DDX3X: variants seen among roughly 807,000 people sequenced by gnomAD.
The protein encoded by DDX3X is ATP-dependent RNA helicase DDX3X.
Under a neutral mutation model 52.7 loss-of-function variants are expected in DDX3X, and 4 were observed. That is an observed-to-expected ratio of 0.08 (90% CI 0.04 to 0.17). The LOEUF (loss-of-function observed/expected upper bound fraction) is 0.17. Ranked by LOEUF, DDX3X falls within the 10% of genes least tolerant of loss-of-function variation. DDX3X has a pLI of 1.00. For synonymous variants in DDX3X, 192 were observed against 178.1 expected, an observed-to-expected ratio of 1.08 and a Z score of -0.62; for missense variants, 222 against 548.6, an observed-to-expected ratio of 0.40 and a Z score of 5.95.
Position 41,334,169 on chromosome X carries a change from C to T in DDX3X, c.-84C>T. ...GGCCGCGCGGTGCGCTCCAGAGCCG[C>T]AGTTCTCCCGTGAGAGGGCCTTCGC... On this transcript the variant is annotated 5_prime_UTR_variant, in exon 1 of 17. Transcript: ENST00000644876. The T allele has an allele frequency of 9.8e-7, 1 of 1,019,470 alleles. No individual in the cohort carries two copies. The highest frequency in any genetic ancestry group is 3.2e-5 in the East Asian group (1 of 31,375). 84.0% of individuals were successfully genotyped at this position (1,019,470 alleles called of 1,213,427 possible). A position where few individuals can be genotyped will look rare whatever the true frequency, so the allele number is the denominator to read the frequency against.
At chrX:41,356,707 C>T (rs1049195174) in intron 5 of DDX3X, among the ~76,000 whole-genome samples, 6 of 109,703 alleles carry the variant, frequency 5.5e-5, no homozygotes, top group Non-Finnish European at 9.5e-5. Flanking sequence ...TTGTGATCTG[C>T]CCGCCTCGGC....
chrX:41,341,848 A>T (rs975527035), intron 4 of DDX3X: 1 of 320,802 alleles, frequency 3.1e-6, no homozygotes, highest in South Asian at 5.6e-5. Flanking sequence ...TATATGTTCT[A>T]CTTAAAAGAG....
intron 15 of DDX3X, 113 bp downstream of exon 15, chrX:41,347,125 T>C: frequency 1.0e-6 from 1 of 957,016 alleles, no homozygotes; most frequent in Admixed American, 3.0e-5. Flanking sequence ...AAAAGCTTAA[T>C]CATCTTAGGC....
rs764298312 is a variant in DDX3X, at chrX:41,344,480, C to A, written c.1025+81C>A. Reference sequence around the variant, plus strand: ...TTGGCAGAGTTGCGCTCTTGTTGCCCAGGCTGGAGTGCCATGGCGCGATCT... The same window carrying A: ...TTGGCAGAGTTGCGCTCTTGTTGCCAAGGCTGGAGTGCCATGGCGCGATCT... On this transcript the variant is annotated intron_variant, in intron 10 of 16. Coordinates refer to ENST00000644876, the MANE Select transcript of DDX3X (RefSeq NM_001356.5). 1.1e-4 allele frequency: 121 copies of A among 1,098,510 alleles called. No homozygotes were observed. The African/African-American group carries it at 2.0e-3, about 18-fold the overall frequency. The allele number at this position is 1,098,510 out of a possible 1,213,427, so 90.5% of individuals were successfully genotyped here. A position where few individuals can be genotyped will look rare whatever the true frequency, so the allele number is the denominator to read the frequency against.
intron 5 of DDX3X, among the ~76,000 whole-genome samples, chrX:41,355,329 C>T (rs192885100): frequency 2.4e-4 from 27 of 111,523 alleles, no homozygotes; most frequent in African/African-American, 8.8e-4. Flanking sequence ...ATTGCTGGCT[C>T]CTGTGTTAAG....
At chrX:41,352,304 C>A (rs1400218105), downstream of DDX3X, among the ~76,000 whole-genome samples, 2 of 111,596 alleles carry the variant, frequency 1.8e-5, no homozygotes, top group African/African-American at 6.5e-5. Flanking sequence ...CAGATACAAT[C>A]ATGGTTTATT....
At chrX:41,343,497 A>G (rs2063880594) in intron 7 of DDX3X, 146 bp downstream of exon 7, 1 of 571,220 alleles carries the variant, frequency 1.8e-6, no homozygotes, top group Admixed American at 4.5e-5. Flanking sequence ...TGATACATAA[A>G]TTATTGGTTA....
downstream of DDX3X, among the ~76,000 whole-genome samples, chrX:41,351,894 T>C (rs2063989770): frequency 9.0e-6 from 1 of 111,304 alleles, no homozygotes; most frequent in African/African-American, 3.3e-5. Flanking sequence ...AAAGGATATT[T>C]TGTGACTTGG....
intron 5 of DDX3X, among the ~76,000 whole-genome samples, chrX:41,357,601 T>G (rs1336922296): frequency 9.0e-6 from 1 of 111,177 alleles, no homozygotes; most frequent in Non-Finnish European, 1.9e-5. Context: ...GGCTAATTTT[T>G]GTATTTTTAT....
At chrX:41,346,461 GTTTTC>G (rs778930082) in intron 13 of DDX3X, 39 bp from the exon 14 acceptor site, 12 of 1,193,746 alleles carry the variant, frequency 1.0e-5, no homozygotes, top group East Asian at 3.0e-5. Flanking sequence ...TCAAGTATTT[GTTTTC>G]TTTTAAGTGG....
At chrX:41,341,187 G>A (rs1346020006) in intron 3 of DDX3X, 9 of 195,802 alleles carry the variant, frequency 4.6e-5, no homozygotes, top group Middle Eastern at 1.7e-3. Context: ...GTTTCTCCAT[G>A]TTGGTCAGGC....
chrX:41,345,080 A>G lies in DDX3X; in HGVS notation c.1026-100A>G, dbSNP rs1054488057. On this transcript the variant is annotated intron_variant, in intron 10 of 16. Transcript: ENST00000644876. ...AATGAATATATAATTGTAATAACCT[A>G]TACAATTGTATTTGTAATTATACTA... 30 of 810,717 alleles carry G rather than the reference A, an allele frequency of 3.7e-5. No individual in the cohort carries two copies. The African/African-American group carries it at 6.2e-4, about 17-fold the overall frequency. 66.8% of individuals were successfully genotyped at this position (810,717 alleles called of 1,213,427 possible). A position where few individuals can be genotyped will look rare whatever the true frequency, so the allele number is the denominator to read the frequency against.
Position 41,343,208 on chromosome X carries a change from C to CTT in DDX3X, c.544-7_544-6dup. 3 of 1,203,621 alleles carry CTT rather than the reference C, an allele frequency of 2.5e-6. No individual in the cohort carries two copies. In the South Asian group the frequency reaches 5.5e-5, roughly 22 times the overall value. On this transcript the variant is annotated splice_region_variant and splice_polypyrimidine_tract_variant and intron_variant, in intron 6 of 16. Transcript: ENST00000644876. ...TAGCATTCCTAACCCCATTGAATTTCTTAACAGTTCAGTGATGTTGAGATG... is the reference window on the plus strand; with the variant it reads ...TAGCATTCCTAACCCCATTGAATTTCTTTTAACAGTTCAGTGATGTTGAGATG...
intron 1 of DDX3X, chrX:41,335,802 A>G (rs1452642577): frequency 8.9e-6 from 1 of 112,460 alleles, no homozygotes; most frequent in Admixed American, 9.4e-5. Flanking sequence ...TGAATTGAAC[A>G]GACACTTTAA....
At chrX:41,346,165 A>G (rs1437649376) in intron 12 of DDX3X, 64 bp from the exon 13 acceptor site, 4 of 1,000,580 alleles carry the variant, frequency 4.0e-6, no homozygotes, top group Non-Finnish European at 5.5e-6. Context: ...AAAATTGTGC[A>G]TACATAAGTG....
At chrX:41,334,625 G>T (rs981173763) in intron 1 of DDX3X, 1 of 1,082,665 alleles carries the variant, frequency 9.2e-7, no homozygotes, top group Non-Finnish European at 1.2e-6. Context: ...GTGACCTGGG[G>T]GGGTTTGCGG....
Position 41,342,408 on chromosome X carries a change from A to G in DDX3X, c.285-87A>G, listed in dbSNP as rs913809690. Reference sequence around the variant, plus strand: ...ACATCCTTATGGTTAGCCATAACTTAAGTCTCCAGATACAGTTCTAGAGTA... The same window carrying G: ...ACATCCTTATGGTTAGCCATAACTTGAGTCTCCAGATACAGTTCTAGAGTA... On this transcript the variant is annotated intron_variant, in intron 4 of 16. Transcript: ENST00000644876. 2.4e-5 allele frequency: 25 copies of G among 1,030,790 alleles called. No homozygotes were observed. In the Admixed American group the frequency reaches 5.7e-4, roughly 23 times the overall value. 84.9% of individuals were successfully genotyped at this position (1,030,790 alleles called of 1,213,427 possible).
At chrX:41,342,089 G>A (rs1441175033) in intron 4 of DDX3X, 2 of 155,860 alleles carry the variant, frequency 1.3e-5, no homozygotes, top group Non-Finnish European at 1.2e-5. Context: ...CTGTCACACA[G>A]GTGAATTGTC....
In DDX3X at chrX:41,348,317, T is replaced by C. The variant is rs747067311; in HGVS notation, c.*598T>C. On this transcript the variant is annotated 3_prime_UTR_variant, in exon 17 of 17. Transcript: ENST00000644876. ...TAGTTTCTAATGTGGCAAACTGTAT[T>C]AAGTTAAAGTTCTGATTTGCTCACT... 1 of 117,808 alleles carries C rather than the reference T, an allele frequency of 8.5e-6. No homozygotes were observed. The highest frequency in any genetic ancestry group is 3.6e-4 in the South Asian group (1 of 2,803). 9.7% of individuals were successfully genotyped at this position (117,808 alleles called of 1,213,427 possible).
Sources: allele counts gnomAD v4.1 joint callset (sites outside exome capture counted in the v4.1 genomes callset), GRCh38; gene constraint gnomAD v4.1.1; transcripts MANE v1.5; gene names NCBI Gene and HGNC (gene_info 2026-07-23, HGNC 2026-07-21).